RFC5: variants seen among roughly 807,000 people sequenced by gnomAD.
RFC5 encodes the protein A1 36 kDa subunit.
A neutral mutation model predicts 44.3 loss-of-function variants in RFC5; 26 were observed. That is an observed-to-expected ratio of 0.59 (90% CI 0.43 to 0.81). The LOEUF (loss-of-function observed/expected upper bound fraction) is 0.81, where lower values mean the gene tolerates loss of function less well. Ranked by LOEUF, RFC5 falls within the 40% of genes least tolerant of loss-of-function variation. RFC5 has a pLI of 0.00. For synonymous variants in RFC5, 155 were observed against 155.2 expected, an observed-to-expected ratio of 1.00 and a Z score of 0.01; for missense variants, 328 against 418.6, an observed-to-expected ratio of 0.78 and a Z score of 1.89.
chr12:118,027,685 AAG>A (rs1256115589), intron 8 of RFC5, among the ~76,000 whole-genome samples: 1 of 151,256 alleles, frequency 6.6e-6, no homozygotes, highest in Admixed American at 6.6e-5. Flanking sequence ...AAAAAAAAAA[AAG>A]AAAGAAAGAA....
intron 1 of RFC5, chr12:118,018,049 T>G (rs2137685820): frequency 1.4e-6 from 1 of 701,506 alleles, no homozygotes; most frequent in Non-Finnish European, 2.6e-6. Context: ...TTCTGGACAT[T>G]TCATGTAAGT....
chr12:118,029,521 G>C (rs1476606774), intron 9 of RFC5, among the ~76,000 whole-genome samples: 1 of 152,188 alleles, frequency 6.6e-6, no homozygotes, highest in Non-Finnish European at 1.5e-5. Context: ...GTGATCTTTG[G>C]TGCTCTTAGG....
downstream of RFC5, chr12:118,032,387 G>C (rs1290655216): frequency 6.6e-6 from 1 of 152,178 alleles, no homozygotes; most frequent in Non-Finnish European, 1.5e-5. Context: ...AGCATCTGCT[G>C]TACCTGGAAC....
chr12:118,026,605 CAAAG>C lies in RFC5; in HGVS notation c.664-282_664-279del, dbSNP rs566377434. ...CAGAGCAAGACCCTGTCTCAAAAAA[CAAAG>C]AGAGAGCAAAAGAAAATGTTTTAAA... is the stretch of plus-strand genomic sequence containing the variant. On this transcript the variant is annotated intron_variant, in intron 7 of 10. Coordinates refer to ENST00000454402, the MANE Select transcript of RFC5 (RefSeq NM_007370.7). Among the ~76,000 whole-genome samples the C allele has an allele frequency of 1.0e-3, 157 of 152,260 alleles. 1 individual carries two copies. The highest frequency in any genetic ancestry group is 3.3e-3 in the African/African-American group (137 of 41,544).
rs1462862800 is a variant in RFC5 at position 118,025,842 on chromosome 12, C to T, written c.663+14C>T. On this transcript the variant is annotated intron_variant, in intron 7 of 10. Coordinates refer to ENST00000454402, the MANE Select transcript of RFC5 (RefSeq NM_007370.7). ...AACATTTTGCAGGTATGGTCTCAAG[C>T]AAATCCTTTTTTTTTTTTTTTTTTG... The T allele has an allele frequency of 4.5e-6, 6 of 1,339,928 alleles. No individual in the cohort carries two copies. The highest frequency in any genetic ancestry group is 6.3e-6 in the Non-Finnish European group (6 of 945,330). The allele number at this position is 1,339,928 out of a possible 1,614,324, so 83.0% of individuals were successfully genotyped here.
At chr12:118,017,695 G>A in intron 1 of RFC5, 1 of 814,424 alleles carries the variant, frequency 1.2e-6, no homozygotes, top group South Asian at 2.0e-5. Flanking sequence ...TTTAGAGACA[G>A]GGTCTCGCTC....
At chr12:118,030,782 G>A (rs1368369667) in intron 10 of RFC5, among the ~76,000 whole-genome samples, 1 of 152,148 alleles carries the variant, frequency 6.6e-6, no homozygotes. Context: ...GGGATTACAG[G>A]CATGCACTAC....
the RFC5 span, among the ~76,000 whole-genome samples, chr12:118,039,071 G>A: frequency 6.6e-6 from 1 of 152,142 alleles, no homozygotes; most frequent in Non-Finnish European, 1.5e-5. Flanking sequence ...TTAAGAGAGT[G>A]TTTATCTTCA....
rs775628428 is a variant in RFC5, at chr12:118,024,996, C to T, written c.567C>T (p.Val189=). The change falls in exon 6 of 11, where the codon GTC becomes GTT. Residue 189 remains valine, a synonymous_variant. Coordinates refer to ENST00000454402, the MANE Select transcript of RFC5 (RefSeq NM_007370.7). The part of the protein sequence containing the change: ...PELMVPRLEH[V]VEEEKVDISE... ...TCATGGTTCCCCGCCTGGAACATGT[C>T]GTGGAAGAAGAGAAGTGAGTATTTT... 6.2e-6 allele frequency: 10 copies of T among 1,613,010 alleles called. No individual in the cohort carries two copies. Among genetic ancestry groups the T allele is most frequent in the South Asian group, 2.2e-5 (2 of 90,896 alleles).
At chr12:118,029,986 G>A (rs1485493229) in intron 10 of RFC5, among the ~76,000 whole-genome samples, 161 bp downstream of exon 10, 1 of 152,158 alleles carries the variant, frequency 6.6e-6, no homozygotes, top group East Asian at 1.9e-4. Flanking sequence ...AAGGGTGTGA[G>A]CTGCTTAAAG....
intron 1 of RFC5, 84 bp from the exon 2 acceptor site, chr12:118,018,988 T>C: frequency 9.5e-7 from 1 of 1,056,540 alleles, no homozygotes; most frequent in Non-Finnish European, 1.4e-6. Flanking sequence ...CATGAGCCAC[T>C]GTGCCTGACC....
the RFC5 span, among the ~76,000 whole-genome samples, chr12:118,040,490 G>A: frequency 1.3e-5 from 2 of 152,050 alleles, no homozygotes; most frequent in African/African-American, 4.8e-5. Context: ...GCCGAGCGTG[G>A]TACCTCATAC....
chr12:118,031,769 A>C lies in RFC5; in HGVS notation c.*491A>C, dbSNP rs141028190. The stretch of plus-strand genomic sequence containing the variant: ...GTCTGGCCGAAACTATTATACTTTT[A>C]TAAGATGAGCTGAATCCTCTTACTT... On this transcript the variant is annotated 3_prime_UTR_variant, in exon 11 of 11. Coordinates refer to ENST00000454402, the MANE Select transcript of RFC5 (RefSeq NM_007370.7). 1 of 152,258 alleles carries C rather than the reference A, an allele frequency of 6.6e-6. No individual in the cohort carries two copies. The highest frequency in any genetic ancestry group is 1.5e-5 in the Non-Finnish European group (1 of 68,070). The allele number at this position is 152,258 out of a possible 1,614,324, so 9.4% of individuals were successfully genotyped here.
At chr12:118,035,559 A>AT, downstream of RFC5, 1 of 495,788 alleles carries the variant, frequency 2.0e-6, no homozygotes, top group Non-Finnish European at 3.6e-6. Flanking sequence ...TAATTTGCTT[A>AT]TGCAAAGTAG....
chr12:118,017,964 A>G (rs1361763695), intron 1 of RFC5: 1 of 692,298 alleles, frequency 1.4e-6, no homozygotes, highest in Non-Finnish European at 2.6e-6. Context: ...TTACCCATTG[A>G]CAGTTACTCC....
chr12:118,041,333 G>T, the RFC5 span, among the ~76,000 whole-genome samples: 1 of 152,152 alleles, frequency 6.6e-6, no homozygotes, highest in African/African-American at 2.4e-5. Context: ...CAGAGAGAAG[G>T]TGGCTGTTTA....
chr12:118,024,340 C>CAA (rs369599555), intron 5 of RFC5, among the ~76,000 whole-genome samples: 12,442 of 142,708 alleles, frequency 0.087, 956 homozygotes, highest in East Asian at 0.41. Context: ...GACTCTGTTT[C>CAA]AAAAAAGAAA....
intron 10 of RFC5, 128 bp downstream of exon 10, chr12:118,029,953 G>A: frequency 1.4e-6 from 1 of 738,060 alleles, no homozygotes; most frequent in Non-Finnish European, 2.4e-6. Context: ...ATCTAGTCTG[G>A]TGATATTGAA....
rs975914529 is a variant in RFC5, at chr12:118,029,821, A to G, written c.922A>G (p.Ile308Val). 6.3e-7 allele frequency: 1 copy of G among 1,599,610 alleles called. No individual in the cohort carries two copies. The highest frequency in any genetic ancestry group is 8.6e-7 in the Non-Finnish European group (1 of 1,166,806). The change falls in exon 10 of 11, where the codon ATT becomes GTT. Residue 308 changes from isoleucine (I) to valine (V), a missense_variant. Transcript: ENST00000454402. ...RIHLLTKMAD[I>V]EYRLSVGTNE... ...ACATTTATTGACCAAAATGGCAGAC[A>G]TTGAGTGAGTACTTCTTGCCCCAGT...
Sources: gnomAD v4.1 joint callset for allele counts (sites outside exome capture counted in the v4.1 genomes callset) on GRCh38, gnomAD v4.1.1 for gene constraint, MANE v1.5 for transcripts, NCBI Gene and HGNC (gene_info 2026-07-23, HGNC 2026-07-21) for gene names.